The following AGAP1 variants were observed in gnomAD, a reference collection of about 807,000 sequenced individuals.
The protein encoded by AGAP1 is arf-GAP with GTPase, ANK repeat and PH domain-containing protein 1.
AGAP1 carries 29 observed loss-of-function variants against 105.3 expected under a neutral mutation model. The observed-to-expected ratio is 0.28, with a 90% confidence interval of 0.21 to 0.38. The LOEUF (loss-of-function observed/expected upper bound fraction) is 0.38. Ranked by LOEUF, AGAP1 falls within the 10% of genes least tolerant of loss-of-function variation. The pLI is 1.00. For synonymous variants in AGAP1, 509 were observed against 485.9 expected, an observed-to-expected ratio of 1.05 and a Z score of -0.63; for missense variants, 998 against 1,165.1, an observed-to-expected ratio of 0.86 and a Z score of 2.09.
intron 1 of AGAP1, among the ~76,000 whole-genome samples, chr2:235,613,056 C>T (rs1472010597): frequency 3.4e-5 from 5 of 149,026 alleles, no homozygotes; most frequent in Non-Finnish European, 5.9e-5. Flanking sequence ...ATGGAGCTCA[C>T]GCTGTCGCCC....
intron 9 of AGAP1, among the ~76,000 whole-genome samples, chr2:235,816,700 G>A (rs1958477108): frequency 6.6e-6 from 1 of 151,990 alleles, no homozygotes; most frequent in African/African-American, 2.4e-5. Context: ...AGACCAGCCT[G>A]GCCAACATAG....
chr2:235,592,241 A>G (rs1043032942), intron 1 of AGAP1, among the ~76,000 whole-genome samples: 3 of 152,136 alleles, frequency 2.0e-5, no homozygotes, highest in African/African-American at 7.2e-5. Context: ...TGCCCTGGCC[A>G]CCTGGATGCT....
chr2:235,998,569 A>G (rs573630651), intron 13 of AGAP1, among the ~76,000 whole-genome samples: 4 of 150,014 alleles, frequency 2.7e-5, no homozygotes, highest in East Asian at 1.9e-4. Flanking sequence ...TTTAAGGCCA[A>G]CTTTCTAAAT....
At chr2:235,797,150 G>T (rs919155532) in intron 6 of AGAP1, among the ~76,000 whole-genome samples, 1 of 152,044 alleles carries the variant, frequency 6.6e-6, no homozygotes, top group Admixed American at 6.5e-5. Context: ...AAAGATTTTT[G>T]TCTTTCCAAG....
intron 9 of AGAP1, among the ~76,000 whole-genome samples, chr2:235,851,333 G>A (rs535512078): frequency 4.3e-4 from 65 of 152,322 alleles, no homozygotes; most frequent in Middle Eastern, 3.4e-3. Flanking sequence ...GGGCTGGGAG[G>A]CCATGGAATG....
intron 12 of AGAP1, among the ~76,000 whole-genome samples, chr2:235,939,006 G>T (rs779738062): frequency 6.6e-6 from 1 of 152,220 alleles, no homozygotes; most frequent in Non-Finnish European, 1.5e-5. Flanking sequence ...CGCAGCCAGG[G>T]TTGAGAAGCT....
chr2:235,609,641 G>A lies in AGAP1; in HGVS notation c.164-99538G>A, dbSNP rs767127182. Among the ~76,000 whole-genome samples the A allele has an allele frequency of 4.3e-4, 66 of 152,066 alleles. No homozygotes were observed. Among genetic ancestry groups the A allele is most frequent in the Non-Finnish European group, 7.6e-4 (52 of 68,026 alleles). On this transcript the variant is annotated intron_variant, in intron 1 of 17. Coordinates refer to ENST00000304032, the MANE Select transcript of AGAP1 (RefSeq NM_001037131.3). This position sits in a 1 kb window ranked among gnomAD's most constrained non-coding sequence, Gnocchi z 5.1. Reference sequence around the variant, plus strand: ...GGGCTCCTGCCTGTCTCAGTGCTCTGGGGTCCCGTGCTGAGGGAGCATCCT... The same window carrying A: ...GGGCTCCTGCCTGTCTCAGTGCTCTAGGGTCCCGTGCTGAGGGAGCATCCT...
intron 1 of AGAP1, among the ~76,000 whole-genome samples, chr2:235,698,187 A>G (rs1009637985): frequency 1.3e-5 from 2 of 151,998 alleles, no homozygotes; most frequent in Non-Finnish European, 2.9e-5. Context: ...GTGAGACTCT[A>G]ATGCCGCCGC....
In AGAP1 at chr2:236,051,997, G is replaced by GTGAGA. The variant is rs1256460244; in HGVS notation, c.2114+2717_2114+2721dup. Among the ~76,000 whole-genome samples the GTGAGA allele has an allele frequency of 6.6e-6, 1 of 152,134 alleles. No individual in the cohort carries two copies. The highest frequency in any genetic ancestry group is 1.5e-5 in the Non-Finnish European group (1 of 68,028). On this transcript the variant is annotated intron_variant, in intron 16 of 17. Transcript: ENST00000304032. The surrounding 1 kb of genome is among the most constrained non-coding windows in gnomAD (Gnocchi z 5.9). ...CTCCGCAAGCCGGTCTGTCCATGAC[G>GTGAGA]TGAGAAGATTCTGCCTTTCGAAGCC...
intron 6 of AGAP1, among the ~76,000 whole-genome samples, chr2:235,780,950 C>T (rs73996376): frequency 3.6e-4 from 55 of 152,184 alleles, no homozygotes; most frequent in African/African-American, 1.2e-3. Flanking sequence ...TAAAATTTTA[C>T]ATGTATAAGA....
intron 10 of AGAP1, among the ~76,000 whole-genome samples, chr2:235,897,092 G>GT (rs1267460023): frequency 3.3e-5 from 5 of 152,176 alleles, no homozygotes; most frequent in South Asian, 2.1e-4. Context: ...GGTTTTATTT[G>GT]TTTTTTTGGA....
intron 1 of AGAP1, among the ~76,000 whole-genome samples, chr2:235,695,478 C>T (rs1212573735): frequency 2.0e-5 from 3 of 152,200 alleles, no homozygotes; most frequent in Admixed American, 2.0e-4. Context: ...CTCTGTCAGT[C>T]AGTTACATGG....
At chr2:235,797,560 G>T (rs1169857757) in intron 6 of AGAP1, among the ~76,000 whole-genome samples, 199 bp from the exon 7 acceptor site, 2 of 151,860 alleles carry the variant, frequency 1.3e-5, no homozygotes, top group African/African-American at 4.8e-5. Flanking sequence ...TTCAGCTGAT[G>T]CGGGGGTGGG....
In AGAP1 at chr2:236,123,864, C is replaced by G. The variant is rs147946811; in HGVS notation, c.2371-55C>G. ...AGGGCTGAGAGAAAGCTTCCCTGCC[C>G]CCTCCCTCCATCACATCCCCCATGA... On this transcript the variant is annotated intron_variant, in intron 17 of 17. Transcript: ENST00000304032. The surrounding 1 kb of genome is among the most constrained non-coding windows in gnomAD (Gnocchi z 4.6). The G allele has an allele frequency of 4.4e-6, 7 of 1,603,234 alleles. No individual in the cohort carries two copies. The South Asian group carries it at 5.5e-5, about 13-fold the overall frequency.
chr2:235,675,188 T>TG (rs1226033270), intron 1 of AGAP1, among the ~76,000 whole-genome samples: 1 of 120,596 alleles, frequency 8.3e-6, no homozygotes, highest in African/African-American at 3.2e-5. Flanking sequence ...GTTGGTTGGT[T>TG]GGTTTTTTTT....
chr2:236,022,869 A>G (rs748525384), intron 13 of AGAP1, among the ~76,000 whole-genome samples: 3 of 152,056 alleles, frequency 2.0e-5, no homozygotes, highest in South Asian at 4.2e-4. Flanking sequence ...GTCTTTTCCT[A>G]CAAAAATGGG....
intron 1 of AGAP1, among the ~76,000 whole-genome samples, chr2:235,704,602 C>T (rs55730807): frequency 0.076 from 11,585 of 151,502 alleles, 1,440 homozygotes; most frequent in African/African-American, 0.26. Flanking sequence ...GCCAAGATCG[C>T]GCCACTACAC....
At chr2:236,026,516 G>T (rs1477211461) in intron 13 of AGAP1, among the ~76,000 whole-genome samples, 1 of 152,182 alleles carries the variant, frequency 6.6e-6, no homozygotes, top group Admixed American at 6.5e-5. Flanking sequence ...ATCACCTGAG[G>T]CCAGAAGTTC....
At chr2:235,852,686 G>A in intron 9 of AGAP1, 4 of 1,485,356 alleles carry the variant, frequency 2.7e-6, no homozygotes, top group Non-Finnish European at 2.7e-6. Flanking sequence ...CTCTCCCCAG[G>A]GCCTGCCCTT....
Sources: gnomAD v4.1 joint callset for allele counts (sites outside exome capture counted in the v4.1 genomes callset) on GRCh38, gnomAD v4.1.1 for gene constraint, Gnocchi (gnomAD v3.1) non-coding constraint, MANE v1.5 for transcripts, NCBI Gene and HGNC (gene_info 2026-07-23, HGNC 2026-07-21) for gene names.